The following ASXL3 variants were observed in gnomAD, a reference collection of about 807,000 sequenced individuals.
ASXL3 encodes the protein putative Polycomb group protein ASXL3.
ASXL3 carries 34 observed loss-of-function variants against 170.6 expected under a neutral mutation model. The observed-to-expected ratio is 0.20, with a 90% CI of 0.15 to 0.27. The LOEUF (loss-of-function observed/expected upper bound fraction) is 0.27, where lower values mean the gene tolerates loss of function less well. Ranked by LOEUF, ASXL3 falls within the 10% of genes least tolerant of loss-of-function variation. The probability of loss-of-function intolerance (pLI) is 1.00; values close to 1 mark genes in which losing one functional copy is unlikely to be tolerated. For synonymous variants in ASXL3, 1,002 were observed against 989.1 expected, an observed-to-expected ratio of 1.01 and a Z score of -0.24; for missense variants, 2,592 against 2,695.3, an observed-to-expected ratio of 0.96 and a Z score of 0.85.
chr18:33,658,849 T>A (rs921128216), intron 4 of ASXL3, among the ~76,000 whole-genome samples: 6 of 152,050 alleles, frequency 3.9e-5, no homozygotes, highest in African/African-American at 1.4e-4. Context: ...GGAAAATGAA[T>A]CATTTTTAGA....
At chr18:33,607,472 C>A in intron 1 of ASXL3, 122 bp from the exon 2 acceptor site, 1 of 795,582 alleles carries the variant, frequency 1.3e-6, no homozygotes, top group Non-Finnish European at 2.1e-6. Flanking sequence ...GTATGATGGA[C>A]TGCTTTTGAT....
chr18:33,636,567 TG>T (rs1196574988), intron 2 of ASXL3, among the ~76,000 whole-genome samples: 1 of 152,076 alleles, frequency 6.6e-6, no homozygotes, highest in Non-Finnish European at 1.5e-5. Flanking sequence ...TGTAATGAAG[TG>T]AAAATGTAAG....
chr18:33,654,445 C>G (rs2066050290), intron 4 of ASXL3, among the ~76,000 whole-genome samples: 1 of 152,064 alleles, frequency 6.6e-6, no homozygotes, highest in African/African-American at 2.4e-5. Flanking sequence ...AAGCATTTCT[C>G]AAACTGCCAT....
chr18:33,680,718 A>G (rs2145278837), intron 7 of ASXL3, among the ~76,000 whole-genome samples: 1 of 152,062 alleles, frequency 6.6e-6, no homozygotes, highest in South Asian at 2.1e-4. Context: ...CATCCCTAAT[A>G]ATATATTTTT....
rs372461658 is a variant in ASXL3, at chr18:33,747,509, C to T, written c.*914C>T. On this transcript the variant is annotated 3_prime_UTR_variant, in exon 12 of 12. Coordinates refer to ENST00000269197, the MANE Select transcript of ASXL3 (RefSeq NM_030632.3). ...ATTGATAATGTAAATATCCTATTCA[C>T]GCTAATGAATTACTAGATATTAAAA... The T allele has an allele frequency of 1.3e-4, 20 of 151,662 alleles. No homozygotes were observed. The highest frequency in any genetic ancestry group is 1.9e-4 in the East Asian group (1 of 5,172). The allele number at this position is 151,662 out of a possible 1,614,324, so 9.4% of individuals were successfully genotyped here. A position where few individuals can be genotyped will look rare whatever the true frequency, so the allele number is the denominator to read the frequency against.
chr18:33,626,074 C>T (rs1184232743), intron 2 of ASXL3, among the ~76,000 whole-genome samples: 1 of 151,890 alleles, frequency 6.6e-6, no homozygotes, highest in Non-Finnish European at 1.5e-5. Context: ...AGGAAATAGT[C>T]CTCAGTCTTT....
intron 2 of ASXL3, among the ~76,000 whole-genome samples, chr18:33,633,693 A>T (rs1339270632): frequency 2.0e-5 from 3 of 152,028 alleles, no homozygotes; most frequent in Non-Finnish European, 4.4e-5. Flanking sequence ...ATACAAAAAA[A>T]AATTAGCTGA....
rs776043719 is a variant in ASXL3, at chr18:33,745,968, G to T, written c.6120G>T (p.Pro2040=). 1 of 684,520 alleles carries T rather than the reference G, an allele frequency of 1.5e-6. No individual in the cohort carries two copies. The highest frequency in any genetic ancestry group is 3.1e-5 in the South Asian group (1 of 32,058). 42.4% of individuals were successfully genotyped at this position (684,520 alleles called of 1,614,324 possible). A position where few individuals can be genotyped will look rare whatever the true frequency, so the allele number is the denominator to read the frequency against. The part of the protein sequence containing the change: ...ALPPPPPPPP[P]LPPPLPNAEV... ...CCCCGCCTCCCCCCCCACCACCTCCGCTACCTCCACCTCTCCCTAATGCAG... is the reference window on the plus strand; with the variant it reads ...CCCCGCCTCCCCCCCCACCACCTCCTCTACCTCCACCTCTCCCTAATGCAG... Residue 2040 remains proline (P), a synonymous_variant, in exon 12 of 12, where the codon CCG becomes CCT. Coordinates refer to ENST00000269197, the MANE Select transcript of ASXL3 (RefSeq NM_030632.3).
Position 33,744,193 on chromosome 18 carries a change from A to G in ASXL3, c.4345A>G (p.Asn1449Asp), listed in dbSNP as rs2067724196. Residue 1449 changes from asparagine to aspartate, a missense_variant, in exon 12 of 12, where the codon AAT becomes GAT. Transcript: ENST00000269197. ...TTCAGGGCCTCGAAACAGGGCAGAT[A>G]ATTCTGGAAAACCTCAGCAACCACC... ...KNSGPRNRAD[N>D]SGKPQQPPGG... 6.2e-7 allele frequency: 1 copy of G among 1,613,940 alleles called. No individual in the cohort carries two copies. The highest frequency in any genetic ancestry group is 8.5e-7 in the Non-Finnish European group (1 of 1,179,898).
At position 33,713,229 on chromosome 18, in the gene ASXL3, G is replaced by GTTTTTTTTTTTTTTTTTTTTTTTTTTT. The variant is rs1478922106; in HGVS notation, c.880-18731_880-18730insTTTTTTTTTTTTTTTTTTTTTTTTTTT. 2.4e-5 allele frequency among the ~76,000 whole-genome samples: 2 copies of GTTTTTTTTTTTTTTTTTTTTTTTTTTT among 81,770 alleles called. 1 individual carries two copies. Among genetic ancestry groups the GTTTTTTTTTTTTTTTTTTTTTTTTTTT allele is most frequent in the Non-Finnish European group, 4.2e-5 (2 of 47,398 alleles). The allele number at this position is 81,770 out of a possible 152,430, so 53.6% of individuals were successfully genotyped here. Reference sequence around the variant, plus strand: ...GCAGTTAGCAATCTACCACAAGAAGGTTTTTTTTGTTTTGTTTTGTTTTTT... The same window carrying GTTTTTTTTTTTTTTTTTTTTTTTTTTT: ...GCAGTTAGCAATCTACCACAAGAAGGTTTTTTTTTTTTTTTTTTTTTTTTTTTTTTTTTTTGTTTTGTTTTGTTTTTT... On this transcript the variant is annotated intron_variant, in intron 8 of 11. Transcript: ENST00000269197.
intron 8 of ASXL3, among the ~76,000 whole-genome samples, chr18:33,724,759 A>T (rs1326250087): frequency 6.6e-6 from 1 of 152,170 alleles, no homozygotes; most frequent in African/African-American, 2.4e-5. Flanking sequence ...TTTCTTTTAG[A>T]TGGATTTACC....
intron 8 of ASXL3, among the ~76,000 whole-genome samples, chr18:33,725,073 T>G (rs954116200): frequency 6.6e-6 from 1 of 152,130 alleles, no homozygotes; most frequent in African/African-American, 2.4e-5. Context: ...GAGTCAATAC[T>G]CTGGCTTTTA....
chr18:33,627,516 A>G (rs2065620268), intron 2 of ASXL3, among the ~76,000 whole-genome samples: 1 of 152,172 alleles, frequency 6.6e-6, no homozygotes, highest in Non-Finnish European at 1.5e-5. Flanking sequence ...TTCCCTGTGA[A>G]CATTGACTGC....
At chr18:33,689,219 C>T (rs2066648362) in intron 8 of ASXL3, among the ~76,000 whole-genome samples, 1 of 152,138 alleles carries the variant, frequency 6.6e-6, no homozygotes, top group African/African-American at 2.4e-5. Flanking sequence ...GTTTTGAACT[C>T]CTGACCTCAG....
intron 8 of ASXL3, among the ~76,000 whole-genome samples, chr18:33,713,315 C>T (rs1273103373): frequency 2.4e-5 from 2 of 85,102 alleles, no homozygotes; most frequent in South Asian, 3.9e-4. Context: ...AGTGCAGTGG[C>T]ACAATCTTGG....
chr18:33,610,067 T>G (rs2145128781), intron 2 of ASXL3, among the ~76,000 whole-genome samples: 1 of 152,128 alleles, frequency 6.6e-6, no homozygotes, highest in Non-Finnish European at 1.5e-5. Flanking sequence ...AGGACTGTCC[T>G]GTATGTATGT....
In ASXL3 at chr18:33,578,440, C is replaced by T. The variant is rs1375986186; in HGVS notation, c.-192C>T. On this transcript the variant is annotated 5_prime_UTR_variant, in exon 1 of 12. Coordinates refer to ENST00000269197, the MANE Select transcript of ASXL3 (RefSeq NM_030632.3). ...GCCCCCACCCACTCCACCCCACCCC[C>T]TCGCTCCATCCCTCCCACCCGCCGC... 9.8e-6 allele frequency: 1 copy of T among 102,248 alleles called. No homozygotes were observed. Among genetic ancestry groups the T allele is most frequent in the Non-Finnish European group, 1.9e-5 (1 of 53,056 alleles). 6.3% of individuals were successfully genotyped at this position (102,248 alleles called of 1,614,324 possible). A position where few individuals can be genotyped will look rare whatever the true frequency, so the allele number is the denominator to read the frequency against.
intron 8 of ASXL3, among the ~76,000 whole-genome samples, chr18:33,689,249 C>T (rs924650858): frequency 3.3e-5 from 5 of 152,186 alleles, no homozygotes; most frequent in Non-Finnish European, 5.9e-5. Context: ...CCGCCTCGGC[C>T]TCCCAAAGTG....
At chr18:33,634,737 A>G (rs915414568) in intron 2 of ASXL3, among the ~76,000 whole-genome samples, 1 of 152,126 alleles carries the variant, frequency 6.6e-6, no homozygotes, top group African/African-American at 2.4e-5. Flanking sequence ...AACACATGGA[A>G]TTGTCAGGCT....
Sources: allele counts gnomAD v4.1 joint callset (sites outside exome capture counted in the v4.1 genomes callset), GRCh38; gene constraint gnomAD v4.1.1; transcripts MANE v1.5; gene names NCBI Gene and HGNC (gene_info 2026-07-23, HGNC 2026-07-21).